Variants in ZFAT observed in about 807,000 individuals in gnomAD.
The protein encoded by ZFAT is zinc finger and AT-hook domain containing, also known as zinc finger protein ZFAT.
Under a neutral mutation model 117.7 loss-of-function variants are expected in ZFAT, and 64 were observed. That is an observed-to-expected ratio of 0.54 (90% CI 0.44 to 0.67). The LOEUF (loss-of-function observed/expected upper bound fraction) is 0.67, where lower values mean the gene tolerates loss of function less well. Ranked by LOEUF, ZFAT falls within the 30% of genes least tolerant of loss-of-function variation. The pLI is 0.00. For synonymous variants in ZFAT, 679 were observed against 615.0 expected, an observed-to-expected ratio of 1.10 and a Z score of -1.54; for missense variants, 1,433 against 1,584.5, an observed-to-expected ratio of 0.90 and a Z score of 1.62.
At chr8:134,667,866 A>G (rs2131249456) in intron 1 of ZFAT, among the ~76,000 whole-genome samples, 1 of 152,304 alleles carries the variant, frequency 6.6e-6, no homozygotes, top group South Asian at 2.1e-4. Flanking sequence ...AGCCAAGGGA[A>G]GGGGTGACAG....
At chr8:134,712,031 C>G (rs1814018942) in intron 1 of ZFAT, among the ~76,000 whole-genome samples, 2 of 152,180 alleles carry the variant, frequency 1.3e-5, no homozygotes, top group African/African-American at 4.8e-5. Flanking sequence ...CAGGCGTGAT[C>G]AGTTAGCGCG....
chr8:134,712,744 C>CCGGCGGT (rs1814065863), intron 1 of ZFAT, 101 bp downstream of exon 1: 1 of 1,212,710 alleles, frequency 8.2e-7, no homozygotes, highest in Non-Finnish European at 1.1e-6. Context: ...CGGCCGGCGG[C>CCGGCGGT]CGGCGCACTG....
At chr8:134,761,709 A>AT in the ZFAT span, among the ~76,000 whole-genome samples, 1 of 152,126 alleles carries the variant, frequency 6.6e-6, no homozygotes, top group South Asian at 2.1e-4. Context: ...AAAAAAAAAA[A>AT]GTAAAATAAA....
At chr8:134,689,470 T>A (rs752823555) in intron 1 of ZFAT, among the ~76,000 whole-genome samples, 32 of 152,192 alleles carry the variant, frequency 2.1e-4, no homozygotes, top group Admixed American at 7.2e-4. Flanking sequence ...GGGTGAGAAT[T>A]CCTGCCAGAC....
chr8:134,508,302 G>A (rs1819562951), intron 15 of ZFAT, among the ~76,000 whole-genome samples: 2 of 152,218 alleles, frequency 1.3e-5, no homozygotes, highest in Admixed American at 6.5e-5. Context: ...AGACAGCGCT[G>A]GGATGTCCCC....
chr8:134,799,935 T>G, the ZFAT span, among the ~76,000 whole-genome samples: 202 of 152,302 alleles, frequency 1.3e-3, 1 homozygote, highest in African/African-American at 4.6e-3. Flanking sequence ...ATGAACAACT[T>G]TATATTCATC....
At chr8:134,832,283 T>C in the ZFAT span, among the ~76,000 whole-genome samples, 6 of 151,696 alleles carry the variant, frequency 4.0e-5, no homozygotes, top group Non-Finnish European at 5.9e-5. Flanking sequence ...AGTTTGACCT[T>C]TCCCTCCAGT....
chr8:134,734,872 C>G, the ZFAT span, among the ~76,000 whole-genome samples: 1 of 152,182 alleles, frequency 6.6e-6, no homozygotes, highest in Non-Finnish European at 1.5e-5. Flanking sequence ...AGTGGAAGGG[C>G]AGTGTAACCT....
chr8:134,799,619 G>A, the ZFAT span, among the ~76,000 whole-genome samples: 16 of 152,092 alleles, frequency 1.1e-4, 1 homozygote, highest in South Asian at 2.3e-3. Flanking sequence ...CAATTTAGTC[G>A]ACTGAGGAAA....
chr8:134,677,676 T>C (rs1298738111), intron 1 of ZFAT, among the ~76,000 whole-genome samples: 2 of 152,220 alleles, frequency 1.3e-5, no homozygotes, highest in Non-Finnish European at 2.9e-5. Context: ...AATATCCTGA[T>C]GAACATCAAT....
intron 3 of ZFAT, among the ~76,000 whole-genome samples, chr8:134,613,162 C>A (rs1423127739): frequency 2.0e-5 from 3 of 152,074 alleles, no homozygotes; most frequent in African/African-American, 7.2e-5. Flanking sequence ...CCATGGGATA[C>A]AATTCAATAT....
At chr8:134,663,982 G>T (rs1012754006) in intron 1 of ZFAT, among the ~76,000 whole-genome samples, 1 of 152,144 alleles carries the variant, frequency 6.6e-6, no homozygotes, top group South Asian at 2.1e-4. Flanking sequence ...CATGAAGACC[G>T]TGAGCAGAGG....
rs530298971 is a variant in ZFAT at position 134,572,584 on chromosome 8, T to A, written c.2888-7163A>T. Among the ~76,000 whole-genome samples the A allele has an allele frequency of 2.0e-5, 3 of 152,282 alleles. No individual in the cohort carries two copies. The South Asian group carries it at 6.2e-4, about 32-fold the overall frequency. ...GACCAAGCATCTTTCTCCCTCTTCT[T>A]CACAAAAAAGAGCCAGTGGCCTAAT... On this transcript the variant is annotated intron_variant, in intron 10 of 15. Coordinates refer to ENST00000377838, the MANE Select transcript of ZFAT (RefSeq NM_020863.4).
At chr8:134,824,095 C>T in the ZFAT span, among the ~76,000 whole-genome samples, 3 of 152,310 alleles carry the variant, frequency 2.0e-5, no homozygotes, top group South Asian at 4.1e-4. Context: ...AGGGAGGCCA[C>T]GGTTACAAAA....
chr8:134,509,453 A>G (rs565372232), intron 15 of ZFAT, among the ~76,000 whole-genome samples, 166 bp downstream of exon 15: 68 of 152,250 alleles, frequency 4.5e-4, no homozygotes, highest in Admixed American at 1.3e-3. Context: ...CTATTGAAGA[A>G]GCACTCCCAT....
At chr8:134,557,418 A>G (rs1346295324) in intron 11 of ZFAT, among the ~76,000 whole-genome samples, 1 of 152,240 alleles carries the variant, frequency 6.6e-6, no homozygotes, top group African/African-American at 2.4e-5. Context: ...AAATGCCATT[A>G]GGTACAAACT....
At chr8:134,506,826 TA>T (rs1265810760) in intron 15 of ZFAT, among the ~76,000 whole-genome samples, 1 of 152,240 alleles carries the variant, frequency 6.6e-6, no homozygotes, top group African/African-American at 2.4e-5. Flanking sequence ...AAGATGTATA[TA>T]AAAGAGATCC....
At chr8:134,812,982 T>C in the ZFAT span, among the ~76,000 whole-genome samples, 2 of 152,220 alleles carry the variant, frequency 1.3e-5, no homozygotes, top group Non-Finnish European at 2.9e-5. Flanking sequence ...CCTACTCTCT[T>C]ACCTGTGCTG....
chr8:134,478,525 G>A lies in ZFAT; in HGVS notation c.3689C>T (p.Pro1230Leu). The A allele has an allele frequency of 6.3e-7, 1 of 1,587,698 alleles. No individual in the cohort carries two copies. ...FIVYVQEAMQ[P>L]VEEQAVEQPA... ...CTGCTCCACAGCCTGCTCCTCCACA[G>A]GCTGCATGGCCTCCTGCACGTAGAC... The change falls in exon 16 of 16, where the codon CCT becomes CTT. Residue 1230 changes from proline (P) to leucine (L), a missense_variant. Pro to Leu is a moderately conservative substitution (Grantham distance 98). Coordinates refer to ENST00000377838, the MANE Select transcript of ZFAT (RefSeq NM_020863.4). The surrounding 1 kb of genome is among the most constrained non-coding windows in gnomAD (Gnocchi z 5.2).
Sources: allele counts gnomAD v4.1 joint callset (sites outside exome capture counted in the v4.1 genomes callset), GRCh38; gene constraint gnomAD v4.1.1; non-coding constraint Gnocchi (gnomAD v3.1); transcripts MANE v1.5; gene names NCBI Gene and HGNC (gene_info 2026-07-23, HGNC 2026-07-21).